The following CD200R1 variants were observed in gnomAD, a reference collection of about 807,000 sequenced individuals.
CD200R1 encodes the protein cell surface glycoprotein CD200 receptor 1.
Under a neutral mutation model 38.1 loss-of-function variants are expected in CD200R1, and 30 were observed. The ratio of observed to expected loss-of-function variants is 0.79; its 90% CI spans 0.59 to 1.07. The LOEUF is 1.07. Among genes scored for constraint, CD200R1 ranks in the 50% least tolerant of loss-of-function variants. The probability of loss-of-function intolerance (pLI) is 0.00; values close to 1 mark genes in which losing one functional copy is unlikely to be tolerated. For missense variants in CD200R1, 372 were observed against 415.4 expected (o/e 0.90, Z 0.91); for synonymous variants, 128 against 152.1 (o/e 0.84, Z 1.16).
At chr3:112,973,795 G>C (rs1192010229) in intron 1 of CD200R1, among the ~76,000 whole-genome samples, 2 of 152,082 alleles carry the variant, frequency 1.3e-5, no homozygotes, top group African/African-American at 2.4e-5. Flanking sequence ...CCTTGCAGCT[G>C]CTCTGTCTAC....
chr3:112,974,383 C>G (rs962193509), intron 1 of CD200R1, among the ~76,000 whole-genome samples: 1 of 152,110 alleles, frequency 6.6e-6, no homozygotes, highest in Admixed American at 6.5e-5. Flanking sequence ...CTGCAGTGAG[C>G]TACGATTGCA....
At chr3:112,932,944 CTGAG>C (rs1940484520) in intron 2 of CD200R1, among the ~76,000 whole-genome samples, 2 of 152,140 alleles carry the variant, frequency 1.3e-5, no homozygotes, top group Admixed American at 6.6e-5. Flanking sequence ...GCCAGGCCAG[CTGAG>C]TGTCTGCATG....
intron 1 of CD200R1, among the ~76,000 whole-genome samples, chr3:112,963,910 A>C (rs997100241): frequency 6.6e-6 from 1 of 152,180 alleles, no homozygotes; most frequent in Non-Finnish European, 1.5e-5. Context: ...TCAGGAGTCC[A>C]TATGCTGTGT....
intron 5 of CD200R1, among the ~76,000 whole-genome samples, chr3:112,928,529 A>G (rs1435542133): frequency 6.6e-6 from 1 of 152,178 alleles, no homozygotes; most frequent in Non-Finnish European, 1.5e-5. Flanking sequence ...TTATCTTTCA[A>G]TAAGCCATAA....
intron 1 of CD200R1, among the ~76,000 whole-genome samples, chr3:112,953,781 T>C (rs548237972): frequency 5.9e-5 from 9 of 152,316 alleles, no homozygotes; most frequent in African/African-American, 2.2e-4. Context: ...TTCTACAGTA[T>C]AAGTTGTAAT....
chr3:112,942,852 T>A (rs1559950070), intron 2 of CD200R1, among the ~76,000 whole-genome samples: 1 of 151,580 alleles, frequency 6.6e-6, no homozygotes, highest in Non-Finnish European at 1.5e-5. Flanking sequence ...AGCAATGACT[T>A]CAGAGCAAGA....
chr3:112,936,176 A>G (rs1305413179), intron 2 of CD200R1, among the ~76,000 whole-genome samples: 2 of 152,238 alleles, frequency 1.3e-5, no homozygotes, highest in Non-Finnish European at 2.9e-5. Flanking sequence ...GTATATATGT[A>G]CCACATTTTC....
intron 6 of CD200R1, 79 bp from the exon 7 acceptor site, chr3:112,924,614 C>A: frequency 1.2e-6 from 1 of 825,012 alleles, no homozygotes; most frequent in Non-Finnish European, 1.6e-6. Context: ...AGACAGTATA[C>A]TATTGACAAT....
intron 1 of CD200R1, among the ~76,000 whole-genome samples, chr3:112,973,480 G>A (rs1933360059): frequency 6.6e-6 from 1 of 152,076 alleles, no homozygotes; most frequent in Non-Finnish European, 1.5e-5. Flanking sequence ...ATCTAACCTT[G>A]GCCAAATCAT....
intron 1 of CD200R1, among the ~76,000 whole-genome samples, chr3:112,962,586 T>C (rs752645759): frequency 1.3e-5 from 2 of 152,206 alleles, no homozygotes; most frequent in Non-Finnish European, 2.9e-5. Context: ...GTACTTTACC[T>C]GCATCATTGG....
intron 1 of CD200R1, among the ~76,000 whole-genome samples, chr3:112,974,306 G>A (rs1438468564): frequency 6.6e-6 from 1 of 152,156 alleles, no homozygotes; most frequent in East Asian, 1.9e-4. Context: ...GCATAGTGGC[G>A]CATATCTGTA....
chr3:112,969,990 G>A (rs1257474437), intron 1 of CD200R1, among the ~76,000 whole-genome samples: 2 of 151,946 alleles, frequency 1.3e-5, no homozygotes. Flanking sequence ...TGGGCAACAT[G>A]GGAAAACCCT....
At chr3:112,967,831 A>G (rs1933205574) in intron 1 of CD200R1, among the ~76,000 whole-genome samples, 1 of 152,182 alleles carries the variant, frequency 6.6e-6, no homozygotes, top group Non-Finnish European at 1.5e-5. Context: ...TTTTTGTACT[A>G]TGAAGGTGTT....
At chr3:112,944,658 A>T (rs182765684) in intron 2 of CD200R1, among the ~76,000 whole-genome samples, 3 of 152,204 alleles carry the variant, frequency 2.0e-5, no homozygotes, top group Non-Finnish European at 2.9e-5. Context: ...GACAAGAAAA[A>T]ATAAATAAAA....
At chr3:112,930,327 G>A (rs1164085077) in intron 3 of CD200R1, among the ~76,000 whole-genome samples, 1 of 152,024 alleles carries the variant, frequency 6.6e-6, no homozygotes, top group African/African-American at 2.4e-5. Flanking sequence ...TGTAGCCTTT[G>A]GATGAGTTTT....
chr3:112,932,390 G>A (rs907522151), intron 2 of CD200R1, among the ~76,000 whole-genome samples: 36 of 152,114 alleles, frequency 2.4e-4, no homozygotes, highest in Admixed American at 2.4e-3. Context: ...ACCTGCCATT[G>A]AGCTGGCCAA....
chr3:112,951,432 T>C (rs1940967230), intron 1 of CD200R1, among the ~76,000 whole-genome samples: 1 of 151,904 alleles, frequency 6.6e-6, no homozygotes, highest in African/African-American at 2.4e-5. Context: ...TAATATTAAT[T>C]TTACACAAAA....
intron 2 of CD200R1, among the ~76,000 whole-genome samples, chr3:112,945,352 T>G (rs1940823838): frequency 6.6e-6 from 1 of 152,202 alleles, no homozygotes; most frequent in African/African-American, 2.4e-5. Flanking sequence ...AGTCAGTATT[T>G]TATTAGCAAA....
At chr3:112,946,391 C>A (rs958184859) in intron 2 of CD200R1, among the ~76,000 whole-genome samples, 1 of 152,088 alleles carries the variant, frequency 6.6e-6, no homozygotes, top group Admixed American at 6.6e-5. Context: ...ATACAGAGGG[C>A]CAACTGTATT....
Sources: allele counts gnomAD v4.1 joint callset (sites outside exome capture counted in the v4.1 genomes callset), GRCh38; gene constraint gnomAD v4.1.1; transcripts MANE v1.5; gene names NCBI Gene and HGNC (gene_info 2026-07-23, HGNC 2026-07-21).